LTBP1: variants seen among roughly 807,000 people sequenced by gnomAD.
The protein encoded by LTBP1 is latent-transforming growth factor beta-binding protein 1.
LTBP1 carries 129 observed loss-of-function variants against 207.6 expected under a neutral mutation model. The ratio of observed to expected loss-of-function variants is 0.62; its 90% CI spans 0.54 to 0.72. LTBP1 has a LOEUF of 0.72. Ranked by LOEUF, LTBP1 falls within the 30% of genes least tolerant of loss-of-function variation. The pLI, the probability that LTBP1 is intolerant of heterozygous loss-of-function variation, is 0.00. For synonymous variants in LTBP1, 963 were observed against 833.7 expected (o/e 1.16, Z -2.67); for missense variants, 2,281 against 2,217.2 (o/e 1.03, Z -0.58).
At chr2:33,307,352 C>G (rs182472774) in intron 22 of LTBP1, among the ~76,000 whole-genome samples, 35 of 152,090 alleles carry the variant, frequency 2.3e-4, no homozygotes, top group Non-Finnish European at 4.6e-4. Context: ...TTATAGAAAC[C>G]TTATTCACAA....
chr2:33,181,751 G>A (rs1039786251), intron 5 of LTBP1, among the ~76,000 whole-genome samples: 21 of 152,140 alleles, frequency 1.4e-4, no homozygotes, highest in African/African-American at 1.9e-4. Context: ...TGTAACCAGC[G>A]TACCACAAGC....
intron 15 of LTBP1, among the ~76,000 whole-genome samples, chr2:33,271,495 A>G (rs1322699229): frequency 1.3e-5 from 2 of 152,206 alleles, no homozygotes; most frequent in East Asian, 3.8e-4. Flanking sequence ...TCCTATAAAC[A>G]GAAGAGAATT....
chr2:32,980,610 T>C (rs998166631), intron 2 of LTBP1, among the ~76,000 whole-genome samples: 10 of 152,216 alleles, frequency 6.6e-5, no homozygotes, highest in African/African-American at 1.7e-4. Flanking sequence ...TCTGAAAATA[T>C]TAGTAGTTTA....
chr2:32,995,867 CCT>C (rs988271051), intron 2 of LTBP1, among the ~76,000 whole-genome samples: 1 of 152,112 alleles, frequency 6.6e-6, no homozygotes, highest in African/African-American at 2.4e-5. Context: ...TATCTCTTGC[CCT>C]CTCAGCAGCC....
At chr2:33,344,701 A>G (rs926089098) in intron 25 of LTBP1, among the ~76,000 whole-genome samples, 1 of 152,224 alleles carries the variant, frequency 6.6e-6, no homozygotes, top group Non-Finnish European at 1.5e-5. Flanking sequence ...TAATTTAATA[A>G]TGGGTATACC....
At chr2:33,078,983 C>T (rs533631092) in intron 3 of LTBP1, among the ~76,000 whole-genome samples, 29 of 151,546 alleles carry the variant, frequency 1.9e-4, no homozygotes, top group Admixed American at 5.3e-4. Context: ...CTCAGCCTCC[C>T]GAGTAGCTGG....
chr2:33,380,702 AT>A (rs1164619721), intron 31 of LTBP1, among the ~76,000 whole-genome samples: 7 of 152,146 alleles, frequency 4.6e-5, no homozygotes, highest in Non-Finnish European at 7.3e-5. Flanking sequence ...CATATTAAAT[AT>A]TTTCCCCTCC....
At chr2:32,985,834 CCTT>C in intron 2 of LTBP1, among the ~76,000 whole-genome samples, 2 of 152,174 alleles carry the variant, frequency 1.3e-5, no homozygotes, top group East Asian at 3.9e-4. Flanking sequence ...CTTTTTAACC[CCTT>C]CTTTTCTTCT....
At chr2:33,213,442 A>G (rs2090457671) in intron 7 of LTBP1, among the ~76,000 whole-genome samples, 1 of 152,200 alleles carries the variant, frequency 6.6e-6, no homozygotes, top group African/African-American at 2.4e-5. Flanking sequence ...TATCTGTGTG[A>G]TTACATCTCA....
chr2:33,293,235 C>A lies in LTBP1; in HGVS notation c.3188C>A (p.Ser1063Ter). 6.2e-7 allele frequency: 1 copy of A among 1,614,078 alleles called. No individual in the cohort carries two copies. The highest frequency in any genetic ancestry group is 8.5e-7 in the Non-Finnish European group (1 of 1,179,974). The stretch of plus-strand genomic sequence containing the variant: ...AACCTTGAAGGCTCCTACATGTGTT[C>A]ATGCCACAAAGGCTATACCCGGACT... Reference protein sequence around the residue: ...CSNLEGSYMCSCHKGYTRTPD... With the variant: ...CSNLEGSYMC The change falls in exon 20 of 34, where the codon TCA becomes TAA. Residue 1063 changes from serine to a stop codon, truncating the protein, a stop_gained. Coordinates refer to ENST00000404816, the MANE Select transcript of LTBP1 (RefSeq NM_206943.4). LOFTEE classifies it high-confidence loss of function.
intron 5 of LTBP1, among the ~76,000 whole-genome samples, chr2:33,149,087 C>A (rs957572831): frequency 6.6e-6 from 1 of 151,948 alleles, no homozygotes; most frequent in African/African-American, 2.4e-5. Flanking sequence ...TGGTGGCAGG[C>A]GCCTGCAGTC....
At chr2:33,094,575 G>C (rs909445823) in intron 3 of LTBP1, among the ~76,000 whole-genome samples, 1 of 152,146 alleles carries the variant, frequency 6.6e-6, no homozygotes, top group Non-Finnish European at 1.5e-5. Flanking sequence ...AGAATGTAGA[G>C]TACTAGACCA....
chr2:33,280,488 A>G (rs1044672597), intron 19 of LTBP1, among the ~76,000 whole-genome samples: 6 of 152,226 alleles, frequency 3.9e-5, no homozygotes, highest in Admixed American at 1.3e-4. Flanking sequence ...GAGAAGAAGC[A>G]TCTACCACAG....
At chr2:33,322,228 CA>C (rs1382909107) in intron 24 of LTBP1, among the ~76,000 whole-genome samples, 1 of 151,490 alleles carries the variant, frequency 6.6e-6, no homozygotes, top group African/African-American at 2.4e-5. Flanking sequence ...GCCTTGCAGC[CA>C]AAAAATAGGC....
chr2:33,217,430 C>T, intron 7 of LTBP1, 122 bp from the exon 8 acceptor site: 35 of 545,622 alleles, frequency 6.4e-5, no homozygotes, highest in South Asian at 1.7e-4. Flanking sequence ...AGTTTTTTTC[C>T]TTTCTAATTG....
At chr2:33,386,414 T>C (rs1425333293) in intron 31 of LTBP1, among the ~76,000 whole-genome samples, 5 of 152,196 alleles carry the variant, frequency 3.3e-5, no homozygotes, top group Non-Finnish European at 5.9e-5. Flanking sequence ...GTGGCTGCCC[T>C]GGCCAGCCCC....
chr2:32,994,273 T>C (rs558765395), intron 2 of LTBP1, among the ~76,000 whole-genome samples: 17 of 152,210 alleles, frequency 1.1e-4, no homozygotes, highest in African/African-American at 4.1e-4. Flanking sequence ...GTGTTTTCTA[T>C]GGAATGTGTC....
At chr2:33,348,577 G>T (rs566153643) in intron 26 of LTBP1, among the ~76,000 whole-genome samples, 1 of 152,152 alleles carries the variant, frequency 6.6e-6, no homozygotes, top group East Asian at 1.9e-4. Context: ...AATCTGGTTG[G>T]CCACTAACAG....
At chr2:33,238,979 C>A (rs1262941532) in intron 9 of LTBP1, among the ~76,000 whole-genome samples, 1 of 152,146 alleles carries the variant, frequency 6.6e-6, no homozygotes, top group Non-Finnish European at 1.5e-5. Context: ...ACTTTATATT[C>A]TTCTACTACC....
Sources: gnomAD v4.1 joint callset for allele counts (sites outside exome capture counted in the v4.1 genomes callset) on GRCh38, gnomAD v4.1.1 for gene constraint, MANE v1.5 for transcripts, NCBI Gene and HGNC (gene_info 2026-07-23, HGNC 2026-07-21) for gene names.